NREP: variants seen among roughly 807,000 people sequenced by gnomAD.
NREP encodes the protein neuronal regeneration related protein, also known as neuronal regeneration-related protein.
In NREP, 5 loss-of-function variants were observed where a neutral mutation model predicts 8.6. The ratio of observed to expected loss-of-function variants is 0.58; its 90% CI spans 0.30 to 1.22. NREP has a LOEUF of 1.22. Among genes scored for constraint, NREP ranks in the 50% most tolerant of loss-of-function variants. The probability of loss-of-function intolerance (pLI) is 0.07; values close to 1 mark genes in which losing one functional copy is unlikely to be tolerated. For missense variants in NREP, 86 were observed against 82.5 expected (o/e 1.04, Z -0.17); for synonymous variants, 27 against 28.0 (o/e 0.96, Z 0.11).
intron 2 of NREP, chr5:111,739,713 T>C (rs1431635836): frequency 2.0e-5 from 3 of 152,136 alleles, no homozygotes; most frequent in African/African-American, 4.8e-5. Flanking sequence ...ATTAACTTTC[T>C]TTTTGACACT....
intron 2 of NREP, among the ~76,000 whole-genome samples, chr5:111,937,091 C>T (rs1351758693): frequency 6.6e-6 from 1 of 152,096 alleles, no homozygotes; most frequent in Non-Finnish European, 1.5e-5. Context: ...TTCAGGAGAA[C>T]AGCACCTTTC....
chr5:111,854,344 T>C (rs1023766627), intron 2 of NREP, among the ~76,000 whole-genome samples: 9 of 152,164 alleles, frequency 5.9e-5, no homozygotes, highest in Admixed American at 1.3e-4. Context: ...TTTCCTTGGC[T>C]CTGTCAGGGA....
chr5:111,917,312 C>A (rs886115734), intron 2 of NREP, among the ~76,000 whole-genome samples: 1 of 152,150 alleles, frequency 6.6e-6, no homozygotes, highest in Non-Finnish European at 1.5e-5. Flanking sequence ...CTTTCTGAAA[C>A]TATTCCAAAC....
intron 2 of NREP, among the ~76,000 whole-genome samples, chr5:111,970,577 GC>G (rs892517565): frequency 2.6e-5 from 4 of 152,086 alleles, no homozygotes; most frequent in African/African-American, 9.7e-5. Context: ...CGTAATCCCA[GC>G]ACTTTGGGAG....
intron 2 of NREP, among the ~76,000 whole-genome samples, chr5:111,916,415 C>G (rs1755060691): frequency 6.6e-6 from 1 of 152,092 alleles, no homozygotes; most frequent in South Asian, 2.1e-4. Context: ...ACATCACTGC[C>G]ATTGCTGCCT....
chr5:111,858,586 G>C (rs1753476280), intron 2 of NREP, among the ~76,000 whole-genome samples: 1 of 152,136 alleles, frequency 6.6e-6, no homozygotes, highest in South Asian at 2.1e-4. Flanking sequence ...GGAATTCAAA[G>C]TTGCTGTGAG....
intron 2 of NREP, among the ~76,000 whole-genome samples, chr5:111,748,010 T>C (rs17133706): frequency 0.1 from 15,336 of 152,176 alleles, 1,099 homozygotes; most frequent in African/African-American, 0.2. Flanking sequence ...TGAGACAAAC[T>C]GTGCTGCCCG....
chr5:111,880,582 G>C (rs570995460), intron 2 of NREP, among the ~76,000 whole-genome samples: 1 of 152,204 alleles, frequency 6.6e-6, no homozygotes, highest in South Asian at 2.1e-4. Context: ...AGTCATATTG[G>C]ATTAGGGACC....
At chr5:111,799,010 C>T (rs184459720) in intron 2 of NREP, among the ~76,000 whole-genome samples, 1 of 152,058 alleles carries the variant, frequency 6.6e-6, no homozygotes, top group Admixed American at 6.5e-5. Flanking sequence ...CATTATTTTC[C>T]ATAGTTGTTG....
rs559440675 is a variant in NREP at position 111,956,822 on chromosome 5, G to C, written c.135+18452C>G. On this transcript the variant is annotated intron_variant, in intron 2 of 3. Coordinates refer to the NREP transcript ENST00000395634. ...CTACTAAAAATACAAAAGTTAGCCA[G>C]GCGTGGTGGTGTATGCCTGTAATCC... Among the ~76,000 whole-genome samples the C allele has an allele frequency of 2.4e-4, 37 of 152,070 alleles. No individual in the cohort carries two copies. In the East Asian group the frequency reaches 7.0e-3, roughly 29 times the overall value.
chr5:111,797,725 G>A (rs1472443895), intron 2 of NREP, among the ~76,000 whole-genome samples: 2 of 152,138 alleles, frequency 1.3e-5, no homozygotes, highest in African/African-American at 2.4e-5. Context: ...AGCTGGTAGC[G>A]GCCTCAATGA....
chr5:111,884,198 C>T (rs1393965040), intron 2 of NREP, among the ~76,000 whole-genome samples: 1 of 151,508 alleles, frequency 6.6e-6, no homozygotes, highest in African/African-American at 2.4e-5. Context: ...ACAAACACCT[C>T]TACGCAAATA....
intron 2 of NREP, among the ~76,000 whole-genome samples, chr5:111,938,905 G>C (rs1755755342): frequency 6.6e-6 from 1 of 152,018 alleles, no homozygotes. Flanking sequence ...ACATAAAGTA[G>C]TTTTCTTACT....
intron 2 of NREP, among the ~76,000 whole-genome samples, chr5:111,917,756 T>G (rs1403326857): frequency 1.3e-5 from 2 of 152,164 alleles, no homozygotes; most frequent in East Asian, 3.9e-4. Context: ...AATATCGTAC[T>G]GAATGGGCAA....
At chr5:111,751,078 TA>T (rs1750330316) in intron 2 of NREP, among the ~76,000 whole-genome samples, 1 of 152,186 alleles carries the variant, frequency 6.6e-6, no homozygotes, top group South Asian at 2.1e-4. Flanking sequence ...AAGAATGAAT[TA>T]AAAAAATTCA....
At chr5:111,787,773 G>A (rs1045946586) in intron 2 of NREP, among the ~76,000 whole-genome samples, 1 of 151,978 alleles carries the variant, frequency 6.6e-6, no homozygotes, top group Non-Finnish European at 1.5e-5. Flanking sequence ...TCTGATATTG[G>A]TAAAGCTTAA....
At chr5:111,925,581 T>C (rs1247513171) in intron 2 of NREP, among the ~76,000 whole-genome samples, 7 of 152,168 alleles carry the variant, frequency 4.6e-5, no homozygotes, top group Non-Finnish European at 1.0e-4. Flanking sequence ...TTTCTTCTAA[T>C]ATCAGGGGCT....
intron 2 of NREP, among the ~76,000 whole-genome samples, chr5:111,769,214 T>C (rs1350888416): frequency 6.6e-6 from 1 of 152,190 alleles, no homozygotes; most frequent in African/African-American, 2.4e-5. Context: ...CACTATTCCT[T>C]CATCTTCAAT....
rs567345481 is a variant in NREP at position 111,785,257 on chromosome 5, A to G, written c.136-49750T>C. ...AAACGTAGAGATATTCTACTCAGAC[A>G]TGATTCATTTCTATTTTAAAATGGC... On this transcript the variant is annotated intron_variant, in intron 2 of 3. Coordinates refer to the NREP transcript ENST00000395634. Among the ~76,000 whole-genome samples the G allele has an allele frequency of 3.3e-5, 5 of 152,258 alleles. No homozygotes were observed. In the South Asian group the frequency reaches 1.0e-3, roughly 32 times the overall value.
Sources: gnomAD v4.1 joint callset for allele counts (sites outside exome capture counted in the v4.1 genomes callset) on GRCh38, gnomAD v4.1.1 for gene constraint, MANE v1.5 for transcripts, NCBI Gene and HGNC (gene_info 2026-07-23, HGNC 2026-07-21) for gene names.